Variants in MYO5C observed in about 807,000 individuals in gnomAD.
MYO5C encodes myosin VC, also known as unconventional myosin-Vc.
Under a neutral mutation model 235.7 loss-of-function variants are expected in MYO5C, and 194 were observed. The observed-to-expected ratio is 0.82, with a 90% CI of 0.73 to 0.93. The LOEUF is 0.93. Among genes scored for constraint, MYO5C ranks in the 40% least tolerant of loss-of-function variants. The pLI is 0.00. For synonymous variants in MYO5C, 707 were observed against 754.8 expected (o/e 0.94, Z 1.04); for missense variants, 2,038 against 2,127.2 (o/e 0.96, Z 0.82).
chr15:52,274,794 C>T (rs951595660), intron 5 of MYO5C, among the ~76,000 whole-genome samples: 7 of 152,092 alleles, frequency 4.6e-5, no homozygotes, highest in African/African-American at 7.2e-5. Context: ...TAAGCAGTGA[C>T]TTCAACAGAG....
rs780560968 is a variant in MYO5C, at chr15:52,275,616, C to T, written c.552G>A (p.Ser184=). ...TGTCTTCCACGTGAGCGTTGCTGCC[C>T]GATTTGCTGACGGTGGCAAAGTACC... The part of the protein sequence containing the change: ...AMRYFATVSK[S]GSNAHVEDKV... The change falls in exon 5 of 41, where the codon TCG becomes TCA. Residue 184 remains serine, a synonymous_variant. Coordinates refer to ENST00000261839, the MANE Select transcript of MYO5C (RefSeq NM_018728.4). 1.1e-5 allele frequency: 18 copies of T among 1,614,054 alleles called. No individual in the cohort carries two copies. Among genetic ancestry groups the T allele is most frequent in the Middle Eastern group, 1.6e-4 (1 of 6,084 alleles).
At chr15:52,195,554 G>T in intron 39 of MYO5C, 97 bp from the exon 40 acceptor site, 1 of 760,594 alleles carries the variant, frequency 1.3e-6, no homozygotes. Context: ...GGGAAGCACA[G>T]GTGGTTCTTT....
chr15:52,202,360 G>C (rs2035207974), intron 38 of MYO5C, among the ~76,000 whole-genome samples: 1 of 152,156 alleles, frequency 6.6e-6, no homozygotes, highest in Admixed American at 6.5e-5. Flanking sequence ...CTGGGTGACA[G>C]AGTGAGACCC....
intron 11 of MYO5C, among the ~76,000 whole-genome samples, chr15:52,255,446 A>G (rs1466981533): frequency 6.6e-6 from 1 of 152,262 alleles, no homozygotes; most frequent in Non-Finnish European, 1.5e-5. Flanking sequence ...CAAAGTTTAG[A>G]ATGTAAGCTA....
chr15:52,274,670 A>ACCCC (rs372865087), intron 5 of MYO5C, among the ~76,000 whole-genome samples: 43 of 136,824 alleles, frequency 3.1e-4, no homozygotes, highest in East Asian at 8.6e-4. Flanking sequence ...GTTTCTTAGT[A>ACCCC]CCCCCCCCCC....
intron 9 of MYO5C, among the ~76,000 whole-genome samples, chr15:52,263,470 G>C (rs1196697850): frequency 1.3e-5 from 2 of 152,160 alleles, no homozygotes; most frequent in Non-Finnish European, 2.9e-5. Flanking sequence ...GCAGGTGTAA[G>C]GAGGTAGTGG....
chr15:52,195,019 G>A (rs933638519), intron 40 of MYO5C, among the ~76,000 whole-genome samples: 1 of 152,060 alleles, frequency 6.6e-6, no homozygotes. Flanking sequence ...ACAAACTTTA[G>A]GGATTATATA....
rs200009082 is a variant in MYO5C, at chr15:52,256,593, G to A, written c.1395+46C>T. 2,090 of 1,274,824 alleles carry A rather than the reference G, an allele frequency of 1.6e-3. 22 individuals are homozygous for A. The African/African-American group carries it at 0.043, about 26-fold the overall frequency. 79.0% of individuals were successfully genotyped at this position (1,274,824 alleles called of 1,614,324 possible). The stretch of plus-strand genomic sequence containing the variant: ...CACACACACACACACACACACGCGC[G>A]CGCGCGCGGCTGAGAACTAGTCAAG... On this transcript the variant is annotated intron_variant, in intron 11 of 40. Coordinates refer to ENST00000261839, the MANE Select transcript of MYO5C (RefSeq NM_018728.4).
At chr15:52,252,029 C>A (rs1029394569) in intron 12 of MYO5C, among the ~76,000 whole-genome samples, 13 of 151,992 alleles carry the variant, frequency 8.6e-5, no homozygotes, top group Non-Finnish European at 2.9e-5. Flanking sequence ...CTTTAGGGCA[C>A]TTTAAAAATT....
chr15:52,223,126 G>A (rs1379939444), intron 29 of MYO5C, among the ~76,000 whole-genome samples: 1 of 142,548 alleles, frequency 7.0e-6, no homozygotes, highest in Admixed American at 7.3e-5. Context: ...TCCAGCCTGG[G>A]CAACAGAGTG....
At chr15:52,291,731 G>GTTTTTTTTTTTGTTTTTTT (rs2037392525) in intron 1 of MYO5C, among the ~76,000 whole-genome samples, 3 of 52,562 alleles carry the variant, frequency 5.7e-5, no homozygotes, top group African/African-American at 2.5e-4. Flanking sequence ...CATATTTTAT[G>GTTTTTTTTTTTGTTTTTTT]TTTTTTTTTT....
chr15:52,213,276 C>G lies in MYO5C; in HGVS notation c.4053G>C (p.Val1351=), dbSNP rs770965207. The part of the protein sequence containing the change: ...LSKTIGKAND[V]HSSSGPKEYL... ...ACTCCTTGGGTCCTGAGGACGAGTG[C>G]ACATCATTGGCTGTAGACAGAGGCA... Residue 1351 remains valine, a synonymous_variant, in exon 34 of 41, where the codon GTG becomes GTC. Coordinates refer to ENST00000261839, the MANE Select transcript of MYO5C (RefSeq NM_018728.4). 4.3e-6 allele frequency: 7 copies of G among 1,613,442 alleles called. No homozygotes were observed. Among genetic ancestry groups the G allele is most frequent in the Non-Finnish European group, 5.1e-6 (6 of 1,179,436 alleles).
chr15:52,273,185 T>C (rs1254954507), intron 5 of MYO5C, among the ~76,000 whole-genome samples: 6 of 151,882 alleles, frequency 4.0e-5, no homozygotes, highest in Non-Finnish European at 1.5e-5. Context: ...TAGACAGGCA[T>C]GGTGGTGTGT....
At chr15:52,294,106 T>C (rs2037449659) in intron 1 of MYO5C, among the ~76,000 whole-genome samples, 1 of 152,274 alleles carries the variant, frequency 6.6e-6, no homozygotes, top group Admixed American at 6.5e-5. Flanking sequence ...TTTTCTTACA[T>C]TGTGCCTGGT....
chr15:52,260,307 G>A lies in MYO5C; in HGVS notation c.1313+555C>T, dbSNP rs182386136. ...CAAGAACGGAAAAGGATTGGGGTAG[G>A]GGGGTGGTTGATCAGAGACCTGGGT... is the stretch of plus-strand genomic sequence containing the variant. On this transcript the variant is annotated intron_variant, in intron 10 of 40. Coordinates refer to ENST00000261839, the MANE Select transcript of MYO5C (RefSeq NM_018728.4). 7.2e-5 allele frequency among the ~76,000 whole-genome samples: 11 copies of A among 152,322 alleles called. No homozygotes were observed. The East Asian group carries it at 1.7e-3, about 24-fold the overall frequency.
At chr15:52,231,611 G>C (rs1377581289) in intron 24 of MYO5C, among the ~76,000 whole-genome samples, 1 of 152,188 alleles carries the variant, frequency 6.6e-6, no homozygotes, top group Non-Finnish European at 1.5e-5. Flanking sequence ...GCGATTCTGT[G>C]ATATTCCCTC....
Position 52,253,378 on chromosome 15 carries a change from G to C in MYO5C, c.1475C>G (p.Pro492Arg), listed in dbSNP as rs1252241607. Residue 492 changes from proline to arginine, a missense_variant, in exon 12 of 41, where the codon CCA (proline) becomes CGA (arginine). By Grantham distance (103) the Pro-to-Arg change is moderately radical. Transcript: ENST00000261839. ...TTTTGCTTCAATCAGGTCAATAACTGGTTGATTGTCATAAAAATCTATCAG... is the reference window on the plus strand; with the variant it reads ...TTTTGCTTCAATCAGGTCAATAACTCGTTGATTGTCATAAAAATCTATCAG... ...WTLIDFYDNQ[P>R]VIDLIEAKMG... is the part of the protein sequence containing the mutation. 4 of 1,613,678 alleles carry C rather than the reference G, an allele frequency of 2.5e-6. No individual in the cohort carries two copies. The highest frequency in any genetic ancestry group is 3.4e-6 in the Non-Finnish European group (4 of 1,179,660).
chr15:52,263,065 C>T (rs1337711005), intron 9 of MYO5C, among the ~76,000 whole-genome samples: 2 of 152,160 alleles, frequency 1.3e-5, no homozygotes, highest in African/African-American at 2.4e-5. Context: ...AGAAAGTCCT[C>T]ACCAGAACCG....
chr15:52,211,884 T>G lies in MYO5C; in HGVS notation c.4142A>C (p.Asp1381Ala), dbSNP rs751956955. ...EAKLIQNLIL[D>A]LKPRGVVVNM... ...CACCACCACGCCACGGGGCTTCAAG[T>G]CTGAAGCAGAGAGAGCCAATGAGGA... The change falls in exon 35 of 41, where the codon GAC (aspartate) becomes GCC (alanine). Residue 1381 changes from aspartate to alanine, a missense_variant and splice_region_variant. Physicochemically the swap from Asp to Ala is moderately radical, Grantham distance 126 (BLOSUM62 -2). Coordinates refer to ENST00000261839, the MANE Select transcript of MYO5C (RefSeq NM_018728.4). 2 of 1,613,298 alleles carry G rather than the reference T, an allele frequency of 1.2e-6. No homozygotes were observed. The highest frequency in any genetic ancestry group is 3.3e-5 in the Admixed American group (2 of 59,950).
Sources: gnomAD v4.1 joint callset for allele counts (sites outside exome capture counted in the v4.1 genomes callset) on GRCh38, gnomAD v4.1.1 for gene constraint, MANE v1.5 for transcripts, NCBI Gene and HGNC (gene_info 2026-07-23, HGNC 2026-07-21) for gene names.